The following AQP11 variants were observed in gnomAD, a reference collection of about 807,000 sequenced individuals.
AQP11 encodes the protein aquaporin-11.
AQP11 carries 20 observed loss-of-function variants against 21.1 expected under a neutral mutation model. The observed-to-expected ratio is 0.95, with a 90% CI of 0.67 to 1.38. The LOEUF is 1.38. Ranked by LOEUF, AQP11 falls within the 40% of genes most tolerant of loss-of-function variation. The pLI is 0.00. For synonymous variants in AQP11, 167 were observed against 150.1 expected, an observed-to-expected ratio of 1.11 and a Z score of -0.82; for missense variants, 339 against 340.4, an observed-to-expected ratio of 1.00 and a Z score of 0.03.
intron 1 of AQP11, among the ~76,000 whole-genome samples, chr11:77,591,733 G>T (rs565379058): frequency 3.9e-5 from 6 of 152,234 alleles, no homozygotes; most frequent in African/African-American, 1.4e-4. Flanking sequence ...ATTTAGCCAG[G>T]CATGGTGGTG....
intron 1 of AQP11, among the ~76,000 whole-genome samples, chr11:77,602,797 C>T (rs752914750): frequency 3.9e-4 from 60 of 152,274 alleles, no homozygotes; most frequent in Non-Finnish European, 6.9e-4. Context: ...AGTTGTGTGC[C>T]TAAGCTTCCA....
chr11:77,605,663 A>G (rs1036583573), intron 2 of AQP11, among the ~76,000 whole-genome samples: 3 of 152,176 alleles, frequency 2.0e-5, no homozygotes, highest in East Asian at 1.9e-4. Context: ...CCCCCAGTCC[A>G]TGGAAAAACT....
At position 77,609,428 on chromosome 11, in the gene AQP11, A is replaced by G. The variant is rs1286447351; in HGVS notation, c.*51A>G. On this transcript the variant is annotated 3_prime_UTR_variant, in exon 3 of 3. Coordinates refer to ENST00000313578, the MANE Select transcript of AQP11 (RefSeq NM_173039.3). Reference sequence around the variant, plus strand: ...ACAGGACAGTCCAGCTGGATGTGATAAAGATTTTATCACCTCATATGGAAA... The same window carrying G: ...ACAGGACAGTCCAGCTGGATGTGATGAAGATTTTATCACCTCATATGGAAA... 3.5e-6 allele frequency: 5 copies of G among 1,445,252 alleles called. No individual in the cohort carries two copies. In the African/African-American group the frequency reaches 5.7e-5, roughly 16 times the overall value. 89.5% of individuals were successfully genotyped at this position (1,445,252 alleles called of 1,614,324 possible).
intron 1 of AQP11, among the ~76,000 whole-genome samples, chr11:77,600,351 G>T (rs975891087): frequency 6.6e-6 from 1 of 152,086 alleles, no homozygotes; most frequent in Non-Finnish European, 1.5e-5. Flanking sequence ...TACTCAGCAG[G>T]CTTTATTCCT....
In AQP11 at chr11:77,601,209, A is replaced by T. The variant is rs141077228; in HGVS notation, c.620-2347A>T. ...TGCTAAGCATGCTGCGGTGCACAGGACAGCTCACAACAAAGAATTATCCAG... is the reference window on the plus strand; with the variant it reads ...TGCTAAGCATGCTGCGGTGCACAGGTCAGCTCACAACAAAGAATTATCCAG... On this transcript the variant is annotated intron_variant, in intron 1 of 2. Transcript: ENST00000313578. Among the ~76,000 whole-genome samples the T allele has an allele frequency of 1.9e-4, 29 of 152,316 alleles. No homozygotes were observed. The East Asian group carries it at 5.6e-3, about 29-fold the overall frequency.
In AQP11 at chr11:77,609,965, T is replaced by C. The variant is rs1481942402; in HGVS notation, c.*588T>C. ...TAATACCTAAAATAGTTTCTCTAAA[T>C]AGACAATCTCACTAGCTCCAGCCAA... On this transcript the variant is annotated 3_prime_UTR_variant, in exon 3 of 3. Coordinates refer to ENST00000313578, the MANE Select transcript of AQP11 (RefSeq NM_173039.3). 1 of 152,240 alleles carries C rather than the reference T, an allele frequency of 6.6e-6. No homozygotes were observed. Among genetic ancestry groups the C allele is most frequent in the Non-Finnish European group, 1.5e-5 (1 of 68,046 alleles). 9.4% of individuals were successfully genotyped at this position (152,240 alleles called of 1,614,324 possible).
chr11:77,604,553 C>G (rs1360404241), intron 2 of AQP11, among the ~76,000 whole-genome samples: 1 of 152,136 alleles, frequency 6.6e-6, no homozygotes, highest in African/African-American at 2.4e-5. Flanking sequence ...TCCATTAATT[C>G]ACTCTTCTTT....
chr11:77,601,277 A>C (rs1441765525), intron 1 of AQP11, among the ~76,000 whole-genome samples: 1 of 151,920 alleles, frequency 6.6e-6, no homozygotes, highest in Non-Finnish European at 1.5e-5. Context: ...TTTTGTTAAC[A>C]CAGAACCCAC....
At chr11:77,591,106 T>A (rs1958745075) in intron 1 of AQP11, 1 of 977,876 alleles carries the variant, frequency 1.0e-6, no homozygotes, top group South Asian at 4.7e-5. Context: ...TTTAAAGTCA[T>A]TTCTTATTTC....
At chr11:77,598,305 C>T (rs1319637560) in intron 1 of AQP11, among the ~76,000 whole-genome samples, 2 of 152,164 alleles carry the variant, frequency 1.3e-5, no homozygotes, top group African/African-American at 4.8e-5. Flanking sequence ...AACTTTAGTG[C>T]CTAAAATTGC....
intron 2 of AQP11, among the ~76,000 whole-genome samples, chr11:77,606,750 C>T (rs745767887): frequency 2.0e-4 from 31 of 152,096 alleles, no homozygotes; most frequent in Non-Finnish European, 3.2e-4. Context: ...TTCTATAAAA[C>T]CACACCCAGC....
intron 1 of AQP11, among the ~76,000 whole-genome samples, chr11:77,597,145 G>A (rs955122169): frequency 3.3e-5 from 5 of 152,140 alleles, no homozygotes; most frequent in Non-Finnish European, 7.4e-5. Context: ...TCAGGAAAAT[G>A]TAAGTTGTAA....
chr11:77,596,833 C>A (rs899151321), intron 1 of AQP11, among the ~76,000 whole-genome samples: 31 of 150,930 alleles, frequency 2.1e-4, no homozygotes, highest in African/African-American at 5.6e-4. Flanking sequence ...GCATTCCAGC[C>A]TGGGTGAAAG....
At chr11:77,599,095 GGT>G (rs1311866640) in intron 1 of AQP11, among the ~76,000 whole-genome samples, 2 of 152,024 alleles carry the variant, frequency 1.3e-5, no homozygotes, top group African/African-American at 4.8e-5. Flanking sequence ...TGGTCAGGCT[GGT>G]CTTGAACTCC....
At chr11:77,599,352 G>T (rs1005345542) in intron 1 of AQP11, among the ~76,000 whole-genome samples, 1 of 152,094 alleles carries the variant, frequency 6.6e-6, no homozygotes, top group East Asian at 1.9e-4. Flanking sequence ...CATGTGCCAT[G>T]TTGGTTTGCT....
At chr11:77,600,680 A>G (rs184997687) in intron 1 of AQP11, among the ~76,000 whole-genome samples, 1 of 152,316 alleles carries the variant, frequency 6.6e-6, no homozygotes, top group East Asian at 1.9e-4. Context: ...TTTCCTATGA[A>G]TGGACATTTA....
At chr11:77,602,982 G>C (rs1958823671) in intron 1 of AQP11, among the ~76,000 whole-genome samples, 1 of 152,082 alleles carries the variant, frequency 6.6e-6, no homozygotes, top group Non-Finnish European at 1.5e-5. Flanking sequence ...AAATACCCTG[G>C]GTGCAGAGCT....
At chr11:77,595,997 G>A (rs919134060) in intron 1 of AQP11, among the ~76,000 whole-genome samples, 5 of 151,834 alleles carry the variant, frequency 3.3e-5, no homozygotes, top group African/African-American at 1.2e-4. Context: ...TTAAATAGGA[G>A]CTATTATCAA....
intron 1 of AQP11, among the ~76,000 whole-genome samples, chr11:77,602,006 C>T (rs180762421): frequency 6.7e-6 from 1 of 148,658 alleles, no homozygotes; most frequent in Non-Finnish European, 1.5e-5. Flanking sequence ...ATTCTATCAA[C>T]ACAAGTTGCA....
Sources: allele counts gnomAD v4.1 joint callset (sites outside exome capture counted in the v4.1 genomes callset), GRCh38; gene constraint gnomAD v4.1.1; transcripts MANE v1.5; gene names NCBI Gene and HGNC (gene_info 2026-07-23, HGNC 2026-07-21).